The following BAG3 variants were observed in gnomAD, a reference collection of about 807,000 sequenced individuals.
The protein encoded by BAG3 is BAG cochaperone 3, also known as BAG family molecular chaperone regulator 3.
Under a neutral mutation model 40.5 loss-of-function variants are expected in BAG3, and 14 were observed. The observed-to-expected ratio is 0.35, with a 90% CI of 0.23 to 0.54. The LOEUF is 0.54. BAG3 is among the 20% of genes least tolerant of loss of function. BAG3 has a pLI of 0.91. For synonymous variants in BAG3, 302 were observed against 307.8 expected (o/e 0.98, Z 0.20); for missense variants, 788 against 758.6 (o/e 1.04, Z -0.46).
chr10:119,669,950 A>T lies in BAG3; in HGVS notation c.280A>T (p.Ile94Phe), dbSNP rs145393807. The T allele has an allele frequency of 9.7e-4, 1,573 of 1,614,222 alleles. 1 individual carries two copies. The highest frequency in any genetic ancestry group is 1.3e-3 in the Non-Finnish European group (1,485 of 1,180,032). ...GTACCCCCAGCTCCGACCAGGCTAC[A>T]TTCCCATTCCTGTGCTCCATGAAGG... ...PVYPQLRPGYIPIPVLHEGAE... is the reference protein window; with the variant it reads ...PVYPQLRPGYFPIPVLHEGAE... The change falls in exon 2 of 4, where the codon ATT becomes TTT. Residue 94 changes from isoleucine (I) to phenylalanine (F), a missense_variant. Coordinates refer to ENST00000369085, the MANE Select transcript of BAG3 (RefSeq NM_004281.4).
At chr10:119,664,153 C>G (rs918341254) in intron 1 of BAG3, among the ~76,000 whole-genome samples, 2 of 152,206 alleles carry the variant, frequency 1.3e-5, no homozygotes, top group African/African-American at 4.8e-5. Flanking sequence ...GCAGTTTAGA[C>G]CTGCTCTTAA....
chr10:119,676,531 G>A lies in BAG3; in HGVS notation c.977G>A (p.Gly326Asp). 1 of 1,613,692 alleles carries A rather than the reference G, an allele frequency of 6.2e-7. No homozygotes were observed. Residue 326 changes from glycine (G) to aspartate (D), a missense_variant, in exon 4 of 4, where the codon GGC becomes GAC. By Grantham distance (94) the Gly-to-Asp change is moderately conservative. Transcript: ENST00000369085. ...QPENKPESKP[G>D]PVGPELPPGH... ...GAAAACAAACCAGAAAGTAAGCCAG[G>A]CCCAGTTGGACCAGAACTCCCTCCT... is the stretch of plus-strand genomic sequence containing the variant.
At chr10:119,675,919 T>TCCCCCCCCCCCC (rs1554877672) in intron 3 of BAG3, among the ~76,000 whole-genome samples, 1 of 10,132 alleles carries the variant, frequency 9.9e-5, no homozygotes, top group Non-Finnish European at 1.7e-4. Context: ...CTTCCTTCCT[T>TCCCCCCCCCCCC]CCTCCCTCCC....
intron 1 of BAG3, among the ~76,000 whole-genome samples, 185 bp downstream of exon 1, chr10:119,652,040 G>T (rs1394410628): frequency 1.3e-5 from 2 of 151,990 alleles, no homozygotes; most frequent in African/African-American, 4.8e-5. Flanking sequence ...TCCCCGCTCC[G>T]GACCCGCCCT....
intron 1 of BAG3, among the ~76,000 whole-genome samples, chr10:119,662,938 G>A (rs921176902): frequency 5.9e-5 from 9 of 152,130 alleles, no homozygotes; most frequent in African/African-American, 1.9e-4. Context: ...TGGCGTGAAC[G>A]CGGGAGGCGG....
rs2134063622 is a variant in BAG3, at chr10:119,670,154, C to T, written c.484C>T (p.Pro162Ser). The change falls in exon 2 of 4, where the codon CCC (proline) becomes TCC (serine). Residue 162 changes from proline (P) to serine (S), a missense_variant. By Grantham distance (74) the Pro-to-Ser change is moderately conservative. Coordinates refer to ENST00000369085, the MANE Select transcript of BAG3 (RefSeq NM_004281.4). ...GQVAAAAAAQ[P>S]PASHGPERSQ... Reference sequence around the variant, plus strand: ...GGTGGCAGCGGCGGCGGCAGCCCAGCCCCCAGCCTCCCACGGACCTGAGGT... The same window carrying T: ...GGTGGCAGCGGCGGCGGCAGCCCAGTCCCCAGCCTCCCACGGACCTGAGGT... 1 of 1,609,398 alleles carries T rather than the reference C, an allele frequency of 6.2e-7. No individual in the cohort carries two copies. Among genetic ancestry groups the T allele is most frequent in the Non-Finnish European group, 8.5e-7 (1 of 1,177,956 alleles).
At chr10:119,670,199 C>T in intron 2 of BAG3, 22 bp downstream of exon 2, 1 of 1,585,746 alleles carries the variant, frequency 6.3e-7, no homozygotes, top group South Asian at 1.1e-5. Flanking sequence ...CCAGGCTCAC[C>T]AGCCTGCTGG....
chr10:119,677,156 G>A lies in BAG3; in HGVS notation c.1602G>A (p.Lys534=). The change falls in exon 4 of 4, where the codon AAG becomes AAA. Residue 534 remains lysine, a synonymous_variant. Coordinates refer to ENST00000369085, the MANE Select transcript of BAG3 (RefSeq NM_004281.4). The part of the protein sequence containing the change: ...IMEMGAVAAD[K]GKKNAGNAED... ...AGATGGGTGCCGTGGCAGCAGACAA[G>A]GGCAAGAAAAATGCTGGAAATGCAG... The A allele has an allele frequency of 1.2e-6, 2 of 1,614,050 alleles. No individual in the cohort carries two copies. Among genetic ancestry groups the A allele is most frequent in the African/African-American group, 1.3e-5 (1 of 75,004 alleles).
intron 2 of BAG3, among the ~76,000 whole-genome samples, chr10:119,671,357 A>G (rs1462981386): frequency 3.9e-5 from 6 of 152,238 alleles, no homozygotes. Flanking sequence ...TGCTGCAAGA[A>G]ATCAAAGTGA....
At chr10:119,668,534 C>A (rs549072639) in intron 1 of BAG3, among the ~76,000 whole-genome samples, 1 of 152,350 alleles carries the variant, frequency 6.6e-6, no homozygotes, top group Admixed American at 6.5e-5. Flanking sequence ...TGGGAAAGGA[C>A]CCTCGGTGCT....
chr10:119,669,752 C>T (rs1010736069), intron 1 of BAG3, 99 bp from the exon 2 acceptor site: 14 of 1,249,482 alleles, frequency 1.1e-5, no homozygotes, highest in Non-Finnish European at 1.5e-5. Context: ...CCAAGTCACT[C>T]GGGAAGATCA....
At position 119,672,146 on chromosome 10, in the gene BAG3, CT is replaced by C; in HGVS notation, c.508-107del. 7.0e-7 allele frequency: 1 copy of C among 1,437,440 alleles called. No homozygotes were observed. The highest frequency in any genetic ancestry group is 9.7e-7 in the Non-Finnish European group (1 of 1,033,854). The allele number at this position is 1,437,440 out of a possible 1,614,324, so 89.0% of individuals were successfully genotyped here. ...AAATTGAAAATTACAGATAGGAGGT[CT>C]TACAATATGGATTGCCCTGAGGAGG... On this transcript the variant is annotated intron_variant, in intron 2 of 3. Coordinates refer to ENST00000369085, the MANE Select transcript of BAG3 (RefSeq NM_004281.4). This position sits in a 1 kb window ranked among gnomAD's most constrained non-coding sequence, Gnocchi z 4.8.
chr10:119,665,980 C>T (rs906900203), intron 1 of BAG3, among the ~76,000 whole-genome samples: 1 of 152,224 alleles, frequency 6.6e-6, no homozygotes, highest in Non-Finnish European at 1.5e-5. Context: ...CCGCCCTTGC[C>T]TGTCCTGACC....
chr10:119,668,266 C>G (rs1393384160), intron 1 of BAG3, among the ~76,000 whole-genome samples: 2 of 152,170 alleles, frequency 1.3e-5, no homozygotes, highest in Non-Finnish European at 2.9e-5. Flanking sequence ...CCACCTGGTG[C>G]CCACGCCTGC....
intron 1 of BAG3, among the ~76,000 whole-genome samples, chr10:119,660,753 G>T (rs979399617): frequency 6.6e-6 from 1 of 152,044 alleles, no homozygotes; most frequent in African/African-American, 2.4e-5. Context: ...CAACCAGCTA[G>T]TGCTGGAGAA....
Position 119,669,864 on chromosome 10 carries a change from C to T in BAG3, c.194C>T (p.Ser65Phe), listed in dbSNP as rs796599978. ...PSEGPKETPS[S>F]ANGPSREGSR... ...TTTTTATTTCAGGAGACTCCATCCT[C>T]TGCCAATGGCCCTTCCCGGGAGGGC... The change falls in exon 2 of 4, where the codon TCT (serine) becomes TTT (phenylalanine). Residue 65 changes from serine (S) to phenylalanine (F), a missense_variant. Transcript: ENST00000369085. 6.2e-7 allele frequency: 1 copy of T among 1,614,240 alleles called. No homozygotes were observed. The highest frequency in any genetic ancestry group is 1.7e-5 in the Admixed American group (1 of 60,034).
At chr10:119,657,380 T>C in intron 1 of BAG3, 2 of 347,584 alleles carry the variant, frequency 5.8e-6, no homozygotes, top group Non-Finnish European at 1.2e-5. Flanking sequence ...ACTTTTCTGC[T>C]TTGTCTTGGG....
At chr10:119,675,786 C>CTTCCCTCCCCCTCT (rs1847213701) in intron 3 of BAG3, among the ~76,000 whole-genome samples, 2 of 15,428 alleles carry the variant, frequency 1.3e-4, no homozygotes, top group Non-Finnish European at 3.2e-4. Context: ...CCTCCCCCTC[C>CTTCCCTCCCCCTCT]CTTCCCCCCT....
At chr10:119,658,972 C>A (rs981473206) in intron 1 of BAG3, among the ~76,000 whole-genome samples, 19 of 152,144 alleles carry the variant, frequency 1.2e-4, no homozygotes, top group South Asian at 4.1e-4. Context: ...CCTGGCTGTC[C>A]GTGGGCCTTT....
Sources: gnomAD v4.1 joint callset for allele counts (sites outside exome capture counted in the v4.1 genomes callset) on GRCh38, gnomAD v4.1.1 for gene constraint, Gnocchi (gnomAD v3.1) non-coding constraint, MANE v1.5 for transcripts, NCBI Gene and HGNC (gene_info 2026-07-23, HGNC 2026-07-21) for gene names.